The following ZC3H12B variants were observed in gnomAD, a reference collection of about 807,000 sequenced individuals.
ZC3H12B encodes the protein zinc finger CCCH-type containing 12B.
In ZC3H12B, 7 loss-of-function variants were observed where a neutral mutation model predicts 43.9. The observed-to-expected ratio is 0.16, with a 90% CI of 0.09 to 0.30. ZC3H12B has a LOEUF of 0.30. Ranked by LOEUF, ZC3H12B falls within the 10% of genes least tolerant of loss-of-function variation. ZC3H12B has a pLI of 1.00. For missense variants in ZC3H12B, 475 were observed against 670.2 expected (o/e 0.71, Z 3.22); for synonymous variants, 222 against 241.7 (o/e 0.92, Z 0.76).
chrX:65,213,333 C>T, the ZC3H12B span, among the ~76,000 whole-genome samples: 1 of 110,519 alleles, frequency 9.0e-6, no homozygotes, highest in Non-Finnish European at 1.9e-5. Flanking sequence ...TTCTAACACT[C>T]CAACACCACA....
At chrX:65,488,218 G>C (rs1469803956), upstream of ZC3H12B, among the ~76,000 whole-genome samples, 1 of 110,764 alleles carries the variant, frequency 9.0e-6, no homozygotes. Context: ...AGAAGGATAT[G>C]GTGTGGGATC....
chrX:65,056,012 A>G, the ZC3H12B span, among the ~76,000 whole-genome samples: 1 of 111,003 alleles, frequency 9.0e-6, no homozygotes, highest in Non-Finnish European at 1.9e-5. Flanking sequence ...CAGTCTATCA[A>G]TTTTGTTGAT....
At chrX:65,328,366 G>A in the ZC3H12B span, 1 of 237,422 alleles carries the variant, frequency 4.2e-6, no homozygotes, top group Non-Finnish European at 8.5e-6. Flanking sequence ...TAATTTGCAT[G>A]ATCCTTTATA....
chrX:65,175,357 A>T, the ZC3H12B span, among the ~76,000 whole-genome samples: 3 of 111,389 alleles, frequency 2.7e-5, no homozygotes, highest in Admixed American at 9.5e-5. Context: ...TTTGCATGTA[A>T]CATTTTTTTT....
At chrX:65,507,587 G>C (rs1221894487) in exon 5 of ZC3H12B, 1 of 111,842 alleles carries the variant, frequency 8.9e-6, no homozygotes, top group East Asian at 2.8e-4. Context: ...ACTGTTTAAT[G>C]GTTGTAAACT....
chrX:65,405,549 G>A (rs1240350530), intron 3 of ZC3H12B, among the ~76,000 whole-genome samples: 1 of 111,205 alleles, frequency 9.0e-6, no homozygotes, highest in Non-Finnish European at 1.9e-5. Flanking sequence ...AAACCCAGGA[G>A]GCGGAGGCTG....
At chrX:65,052,782 T>C in the ZC3H12B span, among the ~76,000 whole-genome samples, 1 of 111,903 alleles carries the variant, frequency 8.9e-6, no homozygotes, top group Non-Finnish European at 1.9e-5. Context: ...TTTCATTTCT[T>C]TTCTGTATAT....
At chrX:65,279,483 T>C in the ZC3H12B span, among the ~76,000 whole-genome samples, 1 of 111,083 alleles carries the variant, frequency 9.0e-6, no homozygotes, top group Non-Finnish European at 1.9e-5. Context: ...GACTCTCTAT[T>C]CCATAAATGT....
the ZC3H12B span, among the ~76,000 whole-genome samples, chrX:65,117,113 T>A: frequency 8.9e-6 from 1 of 112,122 alleles, no homozygotes; most frequent in East Asian, 2.8e-4. Context: ...TGTCTAGTTC[T>A]AGATCCTTGA....
chrX:65,211,703 T>C, the ZC3H12B span, among the ~76,000 whole-genome samples: 1 of 89,367 alleles, frequency 1.1e-5, no homozygotes, highest in South Asian at 4.5e-4. Flanking sequence ...TTATATAATA[T>C]ATAATATATA....
chrX:65,372,395 A>G (rs898261429), intron 2 of ZC3H12B, among the ~76,000 whole-genome samples: 7 of 110,511 alleles, frequency 6.3e-5, no homozygotes, highest in Admixed American at 9.8e-5. Context: ...AGATAAGTGC[A>G]CTGACATCAT....
At chrX:65,421,034 C>T (rs1233828848) in intron 3 of ZC3H12B, among the ~76,000 whole-genome samples, 2 of 112,025 alleles carry the variant, frequency 1.8e-5, no homozygotes, top group Non-Finnish European at 3.8e-5. Flanking sequence ...CTTGCCAGCC[C>T]TATGCAATAA....
At chrX:65,167,490 T>C in the ZC3H12B span, among the ~76,000 whole-genome samples, 1 of 111,782 alleles carries the variant, frequency 8.9e-6, no homozygotes, top group African/African-American at 3.3e-5. Flanking sequence ...GCCTCCAGCT[T>C]TGTTCTTTTA....
At chrX:65,050,352 G>T in the ZC3H12B span, among the ~76,000 whole-genome samples, 14 of 110,914 alleles carry the variant, frequency 1.3e-4, no homozygotes, top group Non-Finnish European at 1.1e-4. Context: ...TGCTAAAAGA[G>T]ATAATTTTTC....
At chrX:65,393,678 A>G (rs1489626392) in intron 2 of ZC3H12B, among the ~76,000 whole-genome samples, 1 of 112,100 alleles carries the variant, frequency 8.9e-6, no homozygotes, top group Non-Finnish European at 1.9e-5. Flanking sequence ...ATGTGTCTTG[A>G]TAGTAGAATG....
chrX:65,225,488 G>A, the ZC3H12B span, among the ~76,000 whole-genome samples: 5 of 112,567 alleles, frequency 4.4e-5, no homozygotes, highest in African/African-American at 1.6e-4. Flanking sequence ...CCAAAGGAAC[G>A]CAGTTCCTCA....
At chrX:65,220,858 G>C in the ZC3H12B span, among the ~76,000 whole-genome samples, 1 of 111,511 alleles carries the variant, frequency 9.0e-6, no homozygotes. Flanking sequence ...GGACTAAACA[G>C]ATAGTGCAGA....
chrX:65,480,194 A>C (rs971602717), intron 3 of ZC3H12B, among the ~76,000 whole-genome samples: 4 of 112,282 alleles, frequency 3.6e-5, no homozygotes, highest in African/African-American at 1.3e-4. Flanking sequence ...AGTATATTTA[A>C]ATTTATGTAA....
chrX:65,211,474 G>T, the ZC3H12B span, among the ~76,000 whole-genome samples: 1 of 106,349 alleles, frequency 9.4e-6, no homozygotes, highest in South Asian at 3.9e-4. Flanking sequence ...GCATTATATT[G>T]TTTAATCTTC....
Sources: allele counts gnomAD v4.1 joint callset (sites outside exome capture counted in the v4.1 genomes callset), GRCh38; gene constraint gnomAD v4.1.1; transcripts MANE v1.5; gene names NCBI Gene and HGNC (gene_info 2026-07-23, HGNC 2026-07-21).